Variants in IL1RAPL2 observed in about 807,000 individuals in gnomAD.
IL1RAPL2 encodes X-linked interleukin-1 receptor accessory protein-like 2.
IL1RAPL2 carries 3 observed loss-of-function variants against 44.1 expected under a neutral mutation model. The ratio of observed to expected loss-of-function variants is 0.07; its 90% CI spans 0.03 to 0.18. IL1RAPL2 has a LOEUF of 0.18. IL1RAPL2 is among the 10% of genes least tolerant of loss of function. IL1RAPL2 has a pLI of 1.00. For missense variants in IL1RAPL2, 391 were observed against 496.4 expected (o/e 0.79, Z 2.02); for synonymous variants, 181 against 178.8 (o/e 1.01, Z -0.10).
At chrX:105,728,931 T>A (rs1602543040) in intron 7 of IL1RAPL2, among the ~76,000 whole-genome samples, 1 of 111,138 alleles carries the variant, frequency 9.0e-6, no homozygotes, top group South Asian at 3.7e-4. Flanking sequence ...GTCTTTATAG[T>A]CTTTATAGTT....
intron 5 of IL1RAPL2, chrX:105,406,470 C>A: frequency 8.3e-7 from 1 of 1,197,729 alleles, no homozygotes; most frequent in Non-Finnish European, 1.1e-6. Flanking sequence ...GAGGATCATT[C>A]ACCAATATCC....
intron 2 of IL1RAPL2, among the ~76,000 whole-genome samples, chrX:104,990,039 C>T (rs1435078497): frequency 1.8e-5 from 2 of 111,880 alleles, no homozygotes; most frequent in African/African-American, 6.5e-5. Flanking sequence ...AACAATTTGA[C>T]TCTTGACTAT....
intron 2 of IL1RAPL2, among the ~76,000 whole-genome samples, chrX:104,784,546 G>C (rs1932789040): frequency 1.8e-5 from 2 of 111,101 alleles, no homozygotes; most frequent in South Asian, 7.7e-4. Flanking sequence ...TGAATATAAA[G>C]ATTGTAAACA....
At chrX:105,507,824 A>G (rs1418814300) in intron 6 of IL1RAPL2, among the ~76,000 whole-genome samples, 1 of 112,253 alleles carries the variant, frequency 8.9e-6, no homozygotes. Flanking sequence ...CAGAAATCAA[A>G]ATAATTGTAG....
chrX:104,573,174 A>T lies in IL1RAPL2; in HGVS notation c.-20+6123A>T, dbSNP rs1190660903. Reference sequence around the variant, plus strand: ...GTTTCAGGTTAAGTAGGAAATTGCCAAATCTATTATTTGCCAATAATGTCA... The same window carrying T: ...GTTTCAGGTTAAGTAGGAAATTGCCTAATCTATTATTTGCCAATAATGTCA... On this transcript the variant is annotated intron_variant, in intron 1 of 10. Coordinates refer to ENST00000372582, the MANE Select transcript of IL1RAPL2 (RefSeq NM_017416.2). Among the ~76,000 whole-genome samples the T allele has an allele frequency of 2.7e-5, 3 of 112,259 alleles. No individual in the cohort carries two copies. In the Admixed American group the frequency reaches 2.8e-4, roughly 11 times the overall value.
chrX:104,898,045 G>A (rs1424773099), intron 2 of IL1RAPL2, among the ~76,000 whole-genome samples: 3 of 111,807 alleles, frequency 2.7e-5, no homozygotes, highest in Non-Finnish European at 5.6e-5. Flanking sequence ...CCCGTTCTTG[G>A]TCTTGGAATG....
At chrX:104,872,388 T>A (rs762669351) in intron 2 of IL1RAPL2, among the ~76,000 whole-genome samples, 1 of 111,669 alleles carries the variant, frequency 9.0e-6, no homozygotes, top group African/African-American at 3.3e-5. Flanking sequence ...CTAAAACCCA[T>A]GAACATGTGC....
chrX:105,204,247 C>T (rs782156399), intron 3 of IL1RAPL2, among the ~76,000 whole-genome samples: 2 of 111,630 alleles, frequency 1.8e-5, no homozygotes, highest in Non-Finnish European at 3.8e-5. Context: ...GGCCCAATTC[C>T]AGCTTAATCC....
chrX:104,604,270 A>G (rs1392868590), intron 1 of IL1RAPL2, among the ~76,000 whole-genome samples: 1 of 111,865 alleles, frequency 8.9e-6, no homozygotes, highest in Non-Finnish European at 1.9e-5. Context: ...AGATTTCATC[A>G]CCACCAGGCC....
chrX:104,607,306 T>G (rs1800579211), intron 1 of IL1RAPL2, among the ~76,000 whole-genome samples: 2 of 111,978 alleles, frequency 1.8e-5, no homozygotes, highest in South Asian at 7.4e-4. Flanking sequence ...ACCTGGGCAG[T>G]ACCATTCAGG....
intron 1 of IL1RAPL2, among the ~76,000 whole-genome samples, chrX:104,637,300 A>G (rs745334323): frequency 9.0e-6 from 1 of 111,087 alleles, no homozygotes; most frequent in African/African-American, 3.3e-5. Context: ...TCCAATTTGG[A>G]TGCATTTTTA....
intron 5 of IL1RAPL2, among the ~76,000 whole-genome samples, chrX:105,477,022 G>GA (rs1468761969): frequency 8.9e-6 from 1 of 112,191 alleles, no homozygotes; most frequent in African/African-American, 3.2e-5. Context: ...AGCCTTATGA[G>GA]AGAAGGTACA....
intron 2 of IL1RAPL2, among the ~76,000 whole-genome samples, chrX:104,750,458 G>T (rs1416381920): frequency 3.6e-5 from 4 of 110,614 alleles, no homozygotes; most frequent in Non-Finnish European, 7.6e-5. Context: ...ACTCCCACAA[G>T]TCAGATTCAG....
chrX:105,233,650 A>G (rs782635783), intron 3 of IL1RAPL2, among the ~76,000 whole-genome samples, 168 bp from the exon 4 acceptor site: 1 of 112,489 alleles, frequency 8.9e-6, no homozygotes, highest in South Asian at 3.7e-4. Context: ...TTAGTTTCAT[A>G]TCTTCTAGTC....
intron 2 of IL1RAPL2, among the ~76,000 whole-genome samples, chrX:104,795,574 G>T (rs774707516): frequency 9.0e-6 from 1 of 111,128 alleles, no homozygotes; most frequent in Admixed American, 9.6e-5. Flanking sequence ...GGGGGCAACT[G>T]TAGCTTTTTA....
intron 2 of IL1RAPL2, among the ~76,000 whole-genome samples, chrX:104,992,231 TAG>T (rs1306024130): frequency 9.0e-6 from 1 of 110,626 alleles, no homozygotes; most frequent in Non-Finnish European, 1.9e-5. Context: ...GGATACTAAG[TAG>T]AGAGTGACAT....
At chrX:105,343,195 C>G (rs1379108672) in intron 5 of IL1RAPL2, among the ~76,000 whole-genome samples, 1 of 111,857 alleles carries the variant, frequency 8.9e-6, no homozygotes, top group Non-Finnish European at 1.9e-5. Context: ...CTCCATCAAG[C>G]AAGGCAAGGC....
intron 6 of IL1RAPL2, among the ~76,000 whole-genome samples, chrX:105,639,447 C>T (rs1387582413): frequency 9.0e-6 from 1 of 110,586 alleles, no homozygotes; most frequent in African/African-American, 3.3e-5. Context: ...TTCAGAATGT[C>T]ACCATTAAGG....
At chrX:104,705,124 G>A (rs930624155) in intron 2 of IL1RAPL2, among the ~76,000 whole-genome samples, 1 of 111,686 alleles carries the variant, frequency 9.0e-6, no homozygotes, top group Non-Finnish European at 1.9e-5. Flanking sequence ...TGCATACCAT[G>A]AGTCAGCCAT....
Sources: gnomAD v4.1 joint callset for allele counts (sites outside exome capture counted in the v4.1 genomes callset) on GRCh38, gnomAD v4.1.1 for gene constraint, MANE v1.5 for transcripts, NCBI Gene and HGNC (gene_info 2026-07-23, HGNC 2026-07-21) for gene names.